Variants in ZNF749 observed in about 807,000 individuals in gnomAD.
ZNF749 encodes the protein zinc finger protein 749.
ZNF749 carries 8 observed loss-of-function variants against 7.3 expected under a neutral mutation model. That is an observed-to-expected ratio of 1.10 (90% CI 0.64 to 1.98). The LOEUF is 1.98. Ranked by LOEUF, ZNF749 falls within the 30% of genes most tolerant of loss-of-function variation. The pLI is 0.00. For missense variants in ZNF749, 898 were observed against 932.4 expected, an observed-to-expected ratio of 0.96 and a Z score of 0.48; for synonymous variants, 310 against 322.4, an observed-to-expected ratio of 0.96 and a Z score of 0.41.
At chr19:57,433,478 A>C (rs1372733190), upstream of ZNF749, among the ~76,000 whole-genome samples, 11 of 152,166 alleles carry the variant, frequency 7.2e-5, no homozygotes, top group Non-Finnish European at 1.5e-5. Flanking sequence ...CTCACACCTA[A>C]ATAAGGAACT....
chr19:57,437,592 C>T (rs1414805907), intron 1 of ZNF749, among the ~76,000 whole-genome samples: 2 of 151,736 alleles, frequency 1.3e-5, no homozygotes, highest in Non-Finnish European at 2.9e-5. Flanking sequence ...GGCGTGGTGG[C>T]GGGCGCCTGT....
At position 57,445,367 on chromosome 19, in the gene ZNF749, A is replaced by C. The variant is rs763013104; in HGVS notation, c.2219A>C (p.Gln740Pro). ...GACTTCAACAAATGTAATACTGGTC[A>C]GCGCCAAAAAACTCACACTGGAGAA... is the stretch of plus-strand genomic sequence containing the variant. ...GKDFNKCNTG[Q>P]RQKTHTGERS... is the part of the protein sequence containing the mutation. Residue 740 changes from glutamine to proline, a missense_variant, in exon 3 of 3, where the codon CAG (glutamine) becomes CCG (proline). Coordinates refer to ENST00000334181, the MANE Select transcript of ZNF749 (RefSeq NM_001023561.4). The C allele has an allele frequency of 6.2e-7, 1 of 1,613,668 alleles. No homozygotes were observed. The highest frequency in any genetic ancestry group is 8.5e-7 in the Non-Finnish European group (1 of 1,179,776).
At chr19:57,430,695 T>G (rs2088894902), upstream of ZNF749, among the ~76,000 whole-genome samples, 2 of 152,086 alleles carry the variant, frequency 1.3e-5, no homozygotes, top group Admixed American at 6.6e-5. Context: ...GGATATTTTT[T>G]GGGAAAATAA....
In ZNF749 at chr19:57,435,592, A is replaced by G; in HGVS notation, c.14A>G (p.Glu5Gly). The change falls in exon 1 of 3, where the codon GAG becomes GGG. Residue 5 changes from glutamate to glycine, a missense_variant and splice_region_variant. Transcript: ENST00000334181. MNLT[E>G]DCMVFEDVAI... ...GAGGCCGCGCCGATGAACCTGACCG[A>G]GGTGCGTGCAGCGTCCCAGGCCGCC... 1 of 1,605,962 alleles carries G rather than the reference A, an allele frequency of 6.2e-7. No individual in the cohort carries two copies.
rs1568548814 is a variant in ZNF749 at position 57,445,520 on chromosome 19, C to G, written c.*35C>G. The G allele has an allele frequency of 6.4e-7, 1 of 1,565,668 alleles. No individual in the cohort carries two copies. On this transcript the variant is annotated 3_prime_UTR_variant, in exon 3 of 3. Transcript: ENST00000334181. ...TGCAGGAAAGTCACCAAAACTGTCA[C>G]CTCATTCAGCACCAAAAGGTTCACA...
rs199985316 is a variant in ZNF749, at chr19:57,443,287, A to G, written c.143-4A>G. 1 of 1,589,406 alleles carries G rather than the reference A, an allele frequency of 6.3e-7. No homozygotes were observed. Among genetic ancestry groups the G allele is most frequent in the Non-Finnish European group, 8.6e-7 (1 of 1,165,832 alleles). Reference sequence around the variant, plus strand: ...GCACTTCACCAGCATTTCTGTTCTTACAGGTTGTTGGCATGGAGCCAAGGA... The same window carrying G: ...GCACTTCACCAGCATTTCTGTTCTTGCAGGTTGTTGGCATGGAGCCAAGGA... On this transcript the variant is annotated splice_region_variant and splice_polypyrimidine_tract_variant and intron_variant, in intron 2 of 2. Transcript: ENST00000334181.
rs1311437407 is a variant in ZNF749 at position 57,445,814 on chromosome 19, A to G, written c.*329A>G. On this transcript the variant is annotated 3_prime_UTR_variant, in exon 3 of 3. Transcript: ENST00000334181. The stretch of plus-strand genomic sequence containing the variant: ...CATGGTGGCAGGTGCCTGTAATCCC[A>G]GCTATTCAGGGGACTGAGGCAGGGA... Among the ~76,000 whole-genome samples the G allele has an allele frequency of 6.6e-6, 1 of 152,180 alleles. No homozygotes were observed. The highest frequency in any genetic ancestry group is 1.9e-4 in the East Asian group (1 of 5,190).
upstream of ZNF749, among the ~76,000 whole-genome samples, chr19:57,432,006 A>G (rs1232418181): frequency 6.6e-6 from 1 of 151,770 alleles, no homozygotes; most frequent in Non-Finnish European, 1.5e-5. Context: ...GTAAAGATGG[A>G]GTTTTTAGTA....
intron 1 of ZNF749, among the ~76,000 whole-genome samples, chr19:57,435,990 C>T (rs961423170): frequency 8.5e-5 from 13 of 152,072 alleles, no homozygotes; most frequent in African/African-American, 3.1e-4. Context: ...GCAGGGGGAC[C>T]GCTGAGGAGA....
At position 57,445,177 on chromosome 19, in the gene ZNF749, C is replaced by G; in HGVS notation, c.2029C>G (p.Leu677Val). The G allele has an allele frequency of 6.2e-7, 1 of 1,614,104 alleles. No homozygotes were observed. The highest frequency in any genetic ancestry group is 8.5e-7 in the Non-Finnish European group (1 of 1,180,004). Reference protein sequence around the residue: ...PYECSNCGKFLRYRSTFIKHH... With the variant: ...PYECSNCGKFVRYRSTFIKHH... ...TGAATGCAGCAACTGTGGGAAGTTT[C>G]TTAGATACCGCTCTACATTCATTAA... is the stretch of plus-strand genomic sequence containing the variant. Residue 677 changes from leucine to valine, a missense_variant, in exon 3 of 3, where the codon CTT becomes GTT. Leu to Val is a conservative substitution (Grantham distance 32). Coordinates refer to ENST00000334181, the MANE Select transcript of ZNF749 (RefSeq NM_001023561.4).
At chr19:57,434,802 C>A (rs1248261539), upstream of ZNF749, among the ~76,000 whole-genome samples, 1 of 152,168 alleles carries the variant, frequency 6.6e-6, no homozygotes, top group African/African-American at 2.4e-5. Flanking sequence ...CTTGTCCCAA[C>A]AGAAGCACAC....
rs770868471 is a variant in ZNF749 at position 57,444,668 on chromosome 19, G to A, written c.1520G>A (p.Gly507Glu). The A allele has an allele frequency of 6.2e-7, 1 of 1,613,558 alleles. No individual in the cohort carries two copies. Among genetic ancestry groups the A allele is most frequent in the Non-Finnish European group, 8.5e-7 (1 of 1,179,912 alleles). The part of the protein sequence containing the change: ...HLVGHQKIHT[G>E]ERPYECTQCA... Reference sequence around the variant, plus strand: ...GTTGGTCACCAGAAAATCCATACTGGAGAACGGCCTTATGAATGCACTCAA... The same window carrying A: ...GTTGGTCACCAGAAAATCCATACTGAAGAACGGCCTTATGAATGCACTCAA... The change falls in exon 3 of 3, where the codon GGA (glycine) becomes GAA (glutamate). Residue 507 changes from glycine (G) to glutamate (E), a missense_variant. Transcript: ENST00000334181.
upstream of ZNF749, among the ~76,000 whole-genome samples, chr19:57,434,439 T>A (rs762767639): frequency 2.0e-4 from 31 of 152,234 alleles, no homozygotes; most frequent in Non-Finnish European, 3.8e-4. Flanking sequence ...TGATTCCAGG[T>A]CTTTAGATAC....
chr19:57,443,871 A>G lies in ZNF749; in HGVS notation c.723A>G (p.Lys241=), dbSNP rs750235330. The G allele has an allele frequency of 1.2e-6, 2 of 1,613,688 alleles. No individual in the cohort carries two copies. The highest frequency in any genetic ancestry group is 2.2e-5 in the South Asian group (2 of 91,072). The change falls in exon 3 of 3, where the codon AAA becomes AAG. Residue 241 remains lysine, a synonymous_variant. Transcript: ENST00000334181. ...TTAGGTACAACTCCAACCTTATTAAATATCAGCAAAATCATGCTGGAGAAA... is the reference window on the plus strand; with the variant it reads ...TTAGGTACAACTCCAACCTTATTAAGTATCAGCAAAATCATGCTGGAGAAA... ...ELFRYNSNLI[K]YQQNHAGERP... is the part of the protein sequence containing the mutation.
intron 1 of ZNF749, among the ~76,000 whole-genome samples, chr19:57,440,809 A>AC (rs1161169631): frequency 6.6e-6 from 1 of 151,680 alleles, no homozygotes; most frequent in African/African-American, 2.4e-5. Flanking sequence ...AGATCTGGAG[A>AC]CCCCAAGGAA....
In ZNF749 at chr19:57,446,369, C is replaced by T. The variant is rs1039428913; in HGVS notation, c.*884C>T. ...TGTCCCTGATGCGTGGAAAAATTGG[C>T]TTCCATGAAACCAGTCCCTGGTGCC... On this transcript the variant is annotated 3_prime_UTR_variant, in exon 3 of 3. Coordinates refer to ENST00000334181, the MANE Select transcript of ZNF749 (RefSeq NM_001023561.4). Among the ~76,000 whole-genome samples, 2 of 152,176 alleles carry T rather than the reference C, an allele frequency of 1.3e-5. No individual in the cohort carries two copies. Among genetic ancestry groups the T allele is most frequent in the Admixed American group, 6.5e-5 (1 of 15,286 alleles).
In ZNF749 at chr19:57,443,906, A is replaced by G. The variant is rs937495312; in HGVS notation, c.758A>G (p.Glu253Gly). Residue 253 changes from glutamate to glycine, a missense_variant, in exon 3 of 3, where the codon GAG (glutamate) becomes GGG (glycine). By Grantham distance (98) the Glu-to-Gly change is moderately conservative. Coordinates refer to ENST00000334181, the MANE Select transcript of ZNF749 (RefSeq NM_001023561.4). ...AATCATGCTGGAGAAAGGCCTTATG[A>G]GGGCACTGAATATGGAAAGACCTTT... is the stretch of plus-strand genomic sequence containing the variant. ...QQNHAGERPY[E>G]GTEYGKTFIR... is the part of the protein sequence containing the mutation. 3 of 1,613,998 alleles carry G rather than the reference A, an allele frequency of 1.9e-6. No homozygotes were observed. The highest frequency in any genetic ancestry group is 2.2e-5 in the East Asian group (1 of 44,892).
chr19:57,432,584 A>AAGG (rs1157181440), upstream of ZNF749, among the ~76,000 whole-genome samples: 69 of 116,544 alleles, frequency 5.9e-4, no homozygotes, highest in South Asian at 1.1e-3. Flanking sequence ...AAAAAAAAAA[A>AAGG]GGTGGGGGGG....
Position 57,444,641 on chromosome 19 carries a change from T to C in ZNF749, c.1493T>C (p.Leu498Pro). 1 of 1,613,830 alleles carries C rather than the reference T, an allele frequency of 6.2e-7. No individual in the cohort carries two copies. The highest frequency in any genetic ancestry group is 8.5e-7 in the Non-Finnish European group (1 of 1,179,942). Residue 498 changes from leucine (L) to proline (P), a missense_variant, in exon 3 of 3, where the codon CTG (leucine) becomes CCG (proline). Transcript: ENST00000334181. ...CGKAFLTQAH[L>P]VGHQKIHTGE... Reference sequence around the variant, plus strand: ...AAGGCCTTCCTTACACAGGCTCATCTGGTTGGTCACCAGAAAATCCATACT... The same window carrying C: ...AAGGCCTTCCTTACACAGGCTCATCCGGTTGGTCACCAGAAAATCCATACT...
Sources: gnomAD v4.1 joint callset for allele counts (sites outside exome capture counted in the v4.1 genomes callset) on GRCh38, gnomAD v4.1.1 for gene constraint, MANE v1.5 for transcripts, NCBI Gene and HGNC (gene_info 2026-07-23, HGNC 2026-07-21) for gene names.